The following TNFSF4 variants were observed in gnomAD, a reference collection of about 807,000 sequenced individuals.
TNFSF4 encodes the protein tumor necrosis factor ligand superfamily member 4.
In TNFSF4, 4 loss-of-function variants were observed where a neutral mutation model predicts 7.3. The ratio of observed to expected loss-of-function variants is 0.55; its 90% CI spans 0.27 to 1.25. The LOEUF (loss-of-function observed/expected upper bound fraction) is 1.25. TNFSF4 is among the 50% of genes most tolerant of loss of function. The probability of loss-of-function intolerance (pLI) is 0.12; values close to 1 mark genes in which losing one functional copy is unlikely to be tolerated. For missense variants in TNFSF4, 181 were observed against 208.8 expected (o/e 0.87, Z 0.82); for synonymous variants, 76 against 83.7 (o/e 0.91, Z 0.50).
chr1:173,221,984 A>G, the TNFSF4 span, among the ~76,000 whole-genome samples: 1 of 152,248 alleles, frequency 6.6e-6, no homozygotes, highest in Non-Finnish European at 1.5e-5. Context: ...TAAGTGAGGC[A>G]AAGCAGGCAA....
chr1:173,295,916 T>C, the TNFSF4 span, among the ~76,000 whole-genome samples: 6 of 152,060 alleles, frequency 3.9e-5, no homozygotes, highest in South Asian at 1.2e-3. Context: ...CAAACTGACA[T>C]CTTATCTTTC....
At chr1:173,343,364 G>A in the TNFSF4 span, among the ~76,000 whole-genome samples, 12 of 152,164 alleles carry the variant, frequency 7.9e-5, no homozygotes, top group Admixed American at 7.2e-4. Flanking sequence ...GAAAGAGTTT[G>A]CCATGCAGAT....
the TNFSF4 span, among the ~76,000 whole-genome samples, chr1:173,357,466 A>C: frequency 6.6e-6 from 1 of 152,198 alleles, no homozygotes; most frequent in Non-Finnish European, 1.5e-5. Flanking sequence ...AGGAGAATTT[A>C]AATGATTTGT....
chr1:173,195,160 CA>C (rs1260724718), intron 1 of TNFSF4, among the ~76,000 whole-genome samples: 7 of 151,536 alleles, frequency 4.6e-5, no homozygotes, highest in Admixed American at 2.0e-4. Flanking sequence ...TAAATAACAC[CA>C]AAAAAAAGCA....
chr1:173,214,035 A>G, the TNFSF4 span, among the ~76,000 whole-genome samples: 2 of 152,200 alleles, frequency 1.3e-5, no homozygotes, highest in Non-Finnish European at 2.9e-5. Flanking sequence ...AAATGTCAAG[A>G]GTGCTGAGGT....
At chr1:173,273,320 C>A in the TNFSF4 span, among the ~76,000 whole-genome samples, 3 of 152,104 alleles carry the variant, frequency 2.0e-5, no homozygotes, top group Non-Finnish European at 4.4e-5. Context: ...CGTGTTGCTC[C>A]TGATACGGAC....
At chr1:173,414,738 G>A in the TNFSF4 span, among the ~76,000 whole-genome samples, 1 of 152,232 alleles carries the variant, frequency 6.6e-6, no homozygotes, top group African/African-American at 2.4e-5. Context: ...GAATAACCCA[G>A]ATATATCCAC....
the TNFSF4 span, among the ~76,000 whole-genome samples, chr1:173,247,589 C>A: frequency 1.3e-5 from 2 of 152,120 alleles, no homozygotes; most frequent in Non-Finnish European, 2.9e-5. Flanking sequence ...TAGAGCTAAA[C>A]AAAGTTTCGG....
chr1:173,359,727 A>AT, the TNFSF4 span, among the ~76,000 whole-genome samples: 1 of 88,356 alleles, frequency 1.1e-5, no homozygotes, highest in Non-Finnish European at 2.6e-5. Flanking sequence ...ACTTTCTTAA[A>AT]CCACTAGCCT....
At chr1:173,396,453 T>A in the TNFSF4 span, among the ~76,000 whole-genome samples, 1 of 152,038 alleles carries the variant, frequency 6.6e-6, no homozygotes, top group Non-Finnish European at 1.5e-5. Context: ...AAGGCTGCAG[T>A]AGGCTATGTT....
chr1:173,279,097 T>C, the TNFSF4 span, among the ~76,000 whole-genome samples: 1 of 152,122 alleles, frequency 6.6e-6, no homozygotes, highest in South Asian at 2.1e-4. Context: ...CTTTAAAAGC[T>C]GGCAAGCTAG....
At chr1:173,242,209 A>G in the TNFSF4 span, among the ~76,000 whole-genome samples, 1 of 152,188 alleles carries the variant, frequency 6.6e-6, no homozygotes. Context: ...GGATAAAGTT[A>G]GAGTGGCCAA....
At chr1:173,345,981 G>A in the TNFSF4 span, among the ~76,000 whole-genome samples, 216 of 152,312 alleles carry the variant, frequency 1.4e-3, no homozygotes, top group African/African-American at 4.8e-3. Flanking sequence ...CCTGAGGGCA[G>A]GGCCAGGGAC....
the TNFSF4 span, among the ~76,000 whole-genome samples, chr1:173,450,440 T>C: frequency 1.3e-5 from 2 of 151,994 alleles, no homozygotes; most frequent in Non-Finnish European, 2.9e-5. Flanking sequence ...GAGATTGGCA[T>C]TACCCAATAA....
the TNFSF4 span, among the ~76,000 whole-genome samples, chr1:173,352,522 C>T: frequency 4.0e-3 from 611 of 152,084 alleles, 5 homozygotes; most frequent in African/African-American, 0.013. Context: ...AAAACCAGCA[C>T]GTTTTTATTA....
chr1:173,198,563 G>C (rs775476411), intron 1 of TNFSF4, among the ~76,000 whole-genome samples: 33 of 152,168 alleles, frequency 2.2e-4, no homozygotes, highest in Non-Finnish European at 4.1e-4. Context: ...AGCTTGCAGT[G>C]AGCCGAGATC....
At chr1:173,346,798 C>T in the TNFSF4 span, among the ~76,000 whole-genome samples, 12 of 152,022 alleles carry the variant, frequency 7.9e-5, no homozygotes, top group African/African-American at 2.9e-4. Context: ...AAAAAGAAAG[C>T]CATTATATTA....
the TNFSF4 span, among the ~76,000 whole-genome samples, chr1:173,322,450 C>T: frequency 6.6e-6 from 1 of 152,114 alleles, no homozygotes; most frequent in Non-Finnish European, 1.5e-5. Flanking sequence ...GTCTACACCT[C>T]CCAGCATGAG....
At chr1:173,191,931 C>G (rs1160770138) in intron 1 of TNFSF4, among the ~76,000 whole-genome samples, 1 of 152,192 alleles carries the variant, frequency 6.6e-6, no homozygotes, top group African/African-American at 2.4e-5. Flanking sequence ...AATCCCAGCA[C>G]TTTGGGAGGC....
Sources: gnomAD v4.1 joint callset for allele counts (sites outside exome capture counted in the v4.1 genomes callset) on GRCh38, gnomAD v4.1.1 for gene constraint, MANE v1.5 for transcripts, NCBI Gene and HGNC (gene_info 2026-07-23, HGNC 2026-07-21) for gene names.